The following LIMCH1 variants were observed in gnomAD, a reference collection of about 807,000 sequenced individuals.
LIMCH1 encodes the protein LIM and calponin homology domains 1, also known as LIM and calponin homology domains-containing protein 1.
In LIMCH1, 113 loss-of-function variants were observed where a neutral mutation model predicts 176.5. The observed-to-expected ratio is 0.64, with a 90% CI of 0.55 to 0.75. LIMCH1 has a LOEUF of 0.75. Among genes scored for constraint, LIMCH1 ranks in the 30% least tolerant of loss-of-function variants. The pLI, the probability that LIMCH1 is intolerant of heterozygous loss-of-function variation, is 0.00. For missense variants in LIMCH1, 1,674 were observed against 1,814.9 expected, an observed-to-expected ratio of 0.92 and a Z score of 1.41; for synonymous variants, 619 against 645.9, an observed-to-expected ratio of 0.96 and a Z score of 0.63.
At chr4:41,532,042 C>T (rs2077383215) in intron 3 of LIMCH1, among the ~76,000 whole-genome samples, 1 of 152,154 alleles carries the variant, frequency 6.6e-6, no homozygotes, top group Non-Finnish European at 1.5e-5. Context: ...CGGTTGCGTT[C>T]CCACACCACA....
chr4:41,513,779 C>T (rs762501065), intron 2 of LIMCH1, among the ~76,000 whole-genome samples: 14 of 151,992 alleles, frequency 9.2e-5, no homozygotes, highest in Non-Finnish European at 1.6e-4. Context: ...CCAAGGCGGG[C>T]GGATCACCTG....
At chr4:41,577,196 T>G (rs1025054756) in intron 1 of LIMCH1, among the ~76,000 whole-genome samples, 13 of 152,098 alleles carry the variant, frequency 8.5e-5, no homozygotes, top group African/African-American at 3.1e-4. Flanking sequence ...ACTGAAAATA[T>G]TAGTTGTTTT....
chr4:41,594,500 G>A (rs1317927849), intron 1 of LIMCH1, among the ~76,000 whole-genome samples: 1 of 152,166 alleles, frequency 6.6e-6, no homozygotes, highest in Non-Finnish European at 1.5e-5. Context: ...GAACAGCAAG[G>A]CAGATGAGAA....
intron 1 of LIMCH1, among the ~76,000 whole-genome samples, chr4:41,393,155 A>G (rs530328069): frequency 6.6e-6 from 1 of 152,370 alleles, no homozygotes; most frequent in Admixed American, 6.5e-5. Flanking sequence ...ATATGACTAC[A>G]GAGCCCATTC....
At chr4:41,613,097 A>C in intron 4 of LIMCH1, 1 of 1,552,150 alleles carries the variant, frequency 6.4e-7, no homozygotes, top group South Asian at 1.2e-5. Flanking sequence ...AGACAAGTCA[A>C]GGTTAAGGTT....
intron 1 of LIMCH1, among the ~76,000 whole-genome samples, chr4:41,540,391 T>C (rs2078471494): frequency 6.6e-6 from 1 of 152,156 alleles, no homozygotes; most frequent in African/African-American, 2.4e-5. Context: ...AAAATCATGA[T>C]TCAGTGATTT....
chr4:41,557,994 A>T (rs925637199), intron 1 of LIMCH1, among the ~76,000 whole-genome samples: 1 of 152,108 alleles, frequency 6.6e-6, no homozygotes, highest in Non-Finnish European at 1.5e-5. Flanking sequence ...GTTGCAGATT[A>T]TCTACCTTAT....
rs1295101947 is a variant in LIMCH1, at chr4:41,692,394, G to A, written c.4378+10G>A. On this transcript the variant is annotated intron_variant, in intron 31 of 31. Transcript: ENST00000503057. ...TACATGCGATCCAGAAGTAAGTACT[G>A]GGGAGAATGCCTCATGATGACCGAG... 5 of 1,538,246 alleles carry A rather than the reference G, an allele frequency of 3.3e-6. No homozygotes were observed. In the African/African-American group the frequency reaches 5.4e-5, roughly 17 times the overall value.
chr4:41,408,951 A>C (rs2154122415), intron 1 of LIMCH1, among the ~76,000 whole-genome samples: 1 of 152,268 alleles, frequency 6.6e-6, no homozygotes, highest in South Asian at 2.1e-4. Context: ...AGGCCTTTTA[A>C]CTTTAGTTGT....
intron 1 of LIMCH1, among the ~76,000 whole-genome samples, chr4:41,549,133 T>C (rs571165505): frequency 2.0e-5 from 3 of 152,208 alleles, no homozygotes; most frequent in South Asian, 4.2e-4. Flanking sequence ...CCAGCAACCA[T>C]CCTGCCTTGG....
chr4:41,631,621 T>C, intron 10 of LIMCH1, 144 bp downstream of exon 10: 1 of 669,004 alleles, frequency 1.5e-6, no homozygotes, highest in South Asian at 2.8e-5. Flanking sequence ...TGTTAGCGGG[T>C]CCCCCTGCGG....
chr4:41,431,335 A>G (rs1249620492), intron 1 of LIMCH1, among the ~76,000 whole-genome samples: 1 of 152,206 alleles, frequency 6.6e-6, no homozygotes, highest in African/African-American at 2.4e-5. Context: ...TCTTACCTGT[A>G]GAACTTTGGG....
chr4:41,689,565 T>A lies in LIMCH1; in HGVS notation c.4205T>A (p.Leu1402His). ...AAGAAGCTGTGCTCTTCCTGTGGGC[T>A]TCCTTTGGGTAAAGGAGCTGCAATG... ...SGKKLCSSCG[L>H]PLGKGAAMII... Residue 1402 changes from leucine (L) to histidine (H), a missense_variant, in exon 30 of 32, where the codon CTT (leucine) becomes CAT (histidine). Leu to His is a moderately conservative substitution (Grantham distance 99). Around this residue, in one of 3 missense-constraint regions of LIMCH1, gnomAD observed 1,015 missense variants for 1,102.5 expected, o/e 0.92. Transcript: ENST00000503057. 2 of 1,611,816 alleles carry A rather than the reference T, an allele frequency of 1.2e-6. No homozygotes were observed. The highest frequency in any genetic ancestry group is 3.3e-4 in the Middle Eastern group (2 of 6,054).
intron 1 of LIMCH1, among the ~76,000 whole-genome samples, chr4:41,559,742 T>C (rs748895738): frequency 3.9e-5 from 6 of 152,178 alleles, no homozygotes; most frequent in Non-Finnish European, 7.3e-5. Flanking sequence ...TTAGCTTTCT[T>C]GTTGGCTGTT....
At chr4:41,469,200 C>A (rs958666597) in intron 1 of LIMCH1, among the ~76,000 whole-genome samples, 5 of 152,212 alleles carry the variant, frequency 3.3e-5, no homozygotes, top group African/African-American at 1.2e-4. Flanking sequence ...CCTCCCACAA[C>A]AGTTGAAATA....
rs1374125302 is a variant in LIMCH1 at position 41,631,420 on chromosome 4, C to T, written c.1544C>T (p.Ser515Leu). 2 of 1,531,458 alleles carry T rather than the reference C, an allele frequency of 1.3e-6. No individual in the cohort carries two copies. The highest frequency in any genetic ancestry group is 2.4e-5 in the South Asian group (2 of 82,540). 94.9% of individuals were successfully genotyped at this position (1,531,458 alleles called of 1,614,324 possible). Residue 515 changes from serine (S) to leucine (L), a missense_variant, in exon 10 of 32, where the codon TCA (serine) becomes TTA (leucine). By Grantham distance (145) the Ser-to-Leu change is moderately radical. Around this residue, in one of 3 missense-constraint regions of LIMCH1, gnomAD observed 655 missense variants for 692.2 expected, o/e 0.95. Transcript: ENST00000503057. ...KIQMDSVSPV[S>L]AATSSLKGHQ... ...CAAATGGACTCTGTGTCTCCTGTCT[C>T]AGCGGCCACTTCCAGCTTAAAGGGC...
At chr4:41,517,777 A>C (rs7683354) in intron 2 of LIMCH1, among the ~76,000 whole-genome samples, 78,555 of 151,516 alleles carry the variant, frequency 0.52, 23,522 homozygotes, top group African/African-American at 0.83. Context: ...GGTTAAATTG[A>C]TCTCATGCTT....
chr4:41,424,917 G>C (rs2060934237), intron 1 of LIMCH1, among the ~76,000 whole-genome samples: 1 of 152,154 alleles, frequency 6.6e-6, no homozygotes, highest in Non-Finnish European at 1.5e-5. Context: ...AAATCAGAAG[G>C]AAAATCGTCT....
At chr4:41,451,312 G>A (rs1319840231) in intron 1 of LIMCH1, among the ~76,000 whole-genome samples, 1 of 151,150 alleles carries the variant, frequency 6.6e-6, no homozygotes, top group African/African-American at 2.4e-5. Flanking sequence ...TTTTGGTAGA[G>A]ACAGGTTTTC....
Sources: allele counts gnomAD v4.1 joint callset (sites outside exome capture counted in the v4.1 genomes callset), GRCh38; gene constraint gnomAD v4.1.1; regional missense constraint gnomAD v4.1.1; transcripts MANE v1.5; gene names NCBI Gene and HGNC (gene_info 2026-07-23, HGNC 2026-07-21).